The following MOGAT3 variants were observed in gnomAD, a reference collection of about 807,000 sequenced individuals.
MOGAT3 encodes monoacylglycerol O-acyltransferase 3.
MOGAT3 carries 39 observed loss-of-function variants against 34.4 expected under a neutral mutation model. That is an observed-to-expected ratio of 1.13 (90% CI 0.88 to 1.48). The LOEUF is 1.48. Among genes scored for constraint, MOGAT3 ranks in the 40% most tolerant of loss-of-function variants. The probability of loss-of-function intolerance (pLI) is 0.00; values close to 1 mark genes in which losing one functional copy is unlikely to be tolerated. For missense variants in MOGAT3, 439 were observed against 438.9 expected, an observed-to-expected ratio of 1.00 and a Z score of 0.00; for synonymous variants, 209 against 179.2, an observed-to-expected ratio of 1.17 and a Z score of -1.33.
At chr7:101,197,076 G>A (rs1337065049) in intron 5 of MOGAT3, among the ~76,000 whole-genome samples, 1 of 151,610 alleles carries the variant, frequency 6.6e-6, no homozygotes, top group Non-Finnish European at 1.5e-5. Context: ...AACTCGGGAG[G>A]TGGAGGTTGC....
intron 3 of MOGAT3, among the ~76,000 whole-genome samples, chr7:101,199,962 G>A (rs915744368): frequency 6.6e-6 from 1 of 151,880 alleles, no homozygotes; most frequent in Non-Finnish European, 1.5e-5. Context: ...GCATGGTGGC[G>A]GGCACCTATA....
At chr7:101,194,692 G>A (rs373917458), downstream of MOGAT3, among the ~76,000 whole-genome samples, 10 of 150,152 alleles carry the variant, frequency 6.7e-5, no homozygotes, top group African/African-American at 9.9e-5. Context: ...TAGTAGAGAC[G>A]GGGTTTCACC....
chr7:101,199,181 T>A (rs1208589597), intron 3 of MOGAT3, among the ~76,000 whole-genome samples: 1 of 151,876 alleles, frequency 6.6e-6, no homozygotes, highest in Non-Finnish European at 1.5e-5. Flanking sequence ...CTAATTTTTG[T>A]ATTTTTAGTA....
intron 5 of MOGAT3, among the ~76,000 whole-genome samples, chr7:101,196,960 C>G (rs569730932): frequency 6.6e-6 from 1 of 151,780 alleles, no homozygotes; most frequent in African/African-American, 2.4e-5. Context: ...GTCAGGAGTT[C>G]GAGACCACCC....
At chr7:101,193,985 C>A (rs1377675312), downstream of MOGAT3, among the ~76,000 whole-genome samples, 1 of 149,944 alleles carries the variant, frequency 6.7e-6, no homozygotes, top group African/African-American at 2.5e-5. Context: ...GCTGTGACCA[C>A]CCCAGGGCTC....
rs749717392 is a variant in MOGAT3, at chr7:101,200,780, G to A, written c.75C>T (p.Gly25=). The change falls in exon 1 of 7, where the codon GGC becomes GGT. Residue 25 remains glycine (G), a synonymous_variant. Transcript: ENST00000223114. ...TLQKQHLEAV[G]AYQYVLTFLF... ...GGAAAGTGAGCACATATTGGTAGGC[G>A]CCCACTGCTTCTAGATGCTGCTTCT... The A allele has an allele frequency of 1.4e-5, 22 of 1,613,994 alleles. No individual in the cohort carries two copies. Among genetic ancestry groups the A allele is most frequent in the African/African-American group, 5.3e-5 (4 of 74,918 alleles).
chr7:101,196,940 A>G (rs905025135), intron 5 of MOGAT3, among the ~76,000 whole-genome samples: 13 of 152,158 alleles, frequency 8.5e-5, no homozygotes, highest in African/African-American at 3.1e-4. Context: ...AGGTGGGTGG[A>G]TCACCTGAGG....
intron 1 of MOGAT3, 114 bp from the exon 2 acceptor site, chr7:101,200,629 C>T: frequency 1.6e-6 from 2 of 1,269,258 alleles, no homozygotes; most frequent in Non-Finnish European, 2.2e-6. Flanking sequence ...CTGGCCCTCT[C>T]CCAGACCAGT....
At chr7:101,197,830 T>C (rs1489301293) in intron 5 of MOGAT3, among the ~76,000 whole-genome samples, 1 of 152,098 alleles carries the variant, frequency 6.6e-6, no homozygotes. Context: ...ACCACGCCTT[T>C]GCACTCCAGC....
chr7:101,200,310 G>A lies in MOGAT3; in HGVS notation c.218-6C>T. On this transcript the variant is annotated splice_polypyrimidine_tract_variant and splice_region_variant and intron_variant, in intron 2 of 6. Transcript: ENST00000223114. ...CCACTCCGAACGCCTTCCACCTGCG[G>A]ACAATGAGATACTGGTGGACGAACC... 1 of 1,613,866 alleles carries A rather than the reference G, an allele frequency of 6.2e-7. No homozygotes were observed.
downstream of MOGAT3, among the ~76,000 whole-genome samples, chr7:101,194,556 G>T (rs1292907784): frequency 7.2e-6 from 1 of 139,572 alleles, no homozygotes; most frequent in African/African-American, 2.7e-5. Context: ...ATGTTGGAGT[G>T]CAGTGGCACA....
At chr7:101,196,412 AG>A (rs749119371) in intron 5 of MOGAT3, 23 bp from the exon 6 acceptor site, 3 of 1,575,844 alleles carry the variant, frequency 1.9e-6, no homozygotes, top group Non-Finnish European at 2.6e-6. Context: ...AAGAGAGAAG[AG>A]GGGGCTCAGG....
chr7:101,198,224 C>CGCTTCTG lies in MOGAT3; in HGVS notation c.628_634dup (p.Arg212ProfsTer27). 6.2e-7 allele frequency: 1 copy of CGCTTCTG among 1,613,272 alleles called. No individual in the cohort carries two copies. Among genetic ancestry groups the CGCTTCTG allele is most frequent in the South Asian group, 1.1e-5 (1 of 91,036 alleles). On this transcript the variant is annotated frameshift_variant, in exon 5 of 7. Coordinates refer to ENST00000223114, the MANE Select transcript of MOGAT3 (RefSeq NM_178176.4). LOFTEE classifies it high-confidence loss of function. ...CAGCGCCAGGCGCACGAAGCCTTTG[C>CGCTTCTG]GCTTCTGGAGCGTAAGGCAGTGCTC...
chr7:101,198,573 G>T, intron 4 of MOGAT3, 53 bp downstream of exon 4: 2 of 1,557,098 alleles, frequency 1.3e-6, no homozygotes, highest in Non-Finnish European at 1.8e-6. Context: ...AGAGGGGCTG[G>T]GGAACATCTG....
At chr7:101,197,930 G>A (rs928245580) in intron 5 of MOGAT3, among the ~76,000 whole-genome samples, 2 of 152,234 alleles carry the variant, frequency 1.3e-5, no homozygotes, top group African/African-American at 4.8e-5. Flanking sequence ...GTCAGAGAGG[G>A]AAGCCAGGGC....
chr7:101,196,300 T>G lies in MOGAT3; in HGVS notation c.758A>C (p.Gln253Pro), dbSNP rs564005600. 4 of 1,613,900 alleles carry G rather than the reference T, an allele frequency of 2.5e-6. No individual in the cohort carries two copies. Among genetic ancestry groups the G allele is most frequent in the Non-Finnish European group, 3.4e-6 (4 of 1,179,920 alleles). Reference protein sequence around the residue: ...FATGSWQHWCQLTFKKLMGFS... With the variant: ...FATGSWQHWCPLTFKKLMGFS... ...GCCCATGAGCTTCTTGAAGGTGAGC[T>G]GGCACCAATGCTGCCAGGAGCCTGT... The change falls in exon 6 of 7, where the codon CAG becomes CCG. Residue 253 changes from glutamine (Q) to proline (P), a missense_variant. By Grantham distance (76) the Gln-to-Pro change is moderately conservative (BLOSUM62 -1). Transcript: ENST00000223114.
rs759934838 is a variant in MOGAT3, at chr7:101,198,726, GCT to G, written c.391_392del (p.Ser131GlnfsTer105). ...CCGGGAAGAGCTGGGAGAAGCCATT[GCT>G]CTCGGTGGAGAAATTACAGAGGAAG... Reference protein sequence around the residue: ...TGFLCNFSTESNGFSQLFPGL... With the variant: ...TGFLCNFSTEXNGFSQLFPGL... On this transcript the variant is annotated frameshift_variant, in exon 4 of 7. Coordinates refer to ENST00000223114, the MANE Select transcript of MOGAT3 (RefSeq NM_178176.4). LOFTEE classifies it high-confidence loss of function. 1 of 1,613,882 alleles carries G rather than the reference GCT, an allele frequency of 6.2e-7. No individual in the cohort carries two copies. Among genetic ancestry groups the G allele is most frequent in the East Asian group, 2.2e-5 (1 of 44,870 alleles).
At chr7:101,197,296 C>T (rs1400548174) in intron 5 of MOGAT3, among the ~76,000 whole-genome samples, 2 of 152,214 alleles carry the variant, frequency 1.3e-5, no homozygotes, top group Admixed American at 6.5e-5. Flanking sequence ...CATCCTCCCA[C>T]CTCAGCCTCC....
chr7:101,200,523 A>C lies in MOGAT3; in HGVS notation c.110-8T>G, dbSNP rs1458405173. On this transcript the variant is annotated splice_polypyrimidine_tract_variant and splice_region_variant and intron_variant, in intron 1 of 6. Coordinates refer to ENST00000223114, the MANE Select transcript of MOGAT3 (RefSeq NM_178176.4). ...GAAGGGAGAAGAAAGGGCCTGGGGG[A>C]AGGGAGAGAAAGAAAAGAGTTCACT... The C allele has an allele frequency of 6.4e-7, 1 of 1,562,928 alleles. No homozygotes were observed. The highest frequency in any genetic ancestry group is 1.9e-5 in the Admixed American group (1 of 52,916).
Sources: allele counts gnomAD v4.1 joint callset (sites outside exome capture counted in the v4.1 genomes callset), GRCh38; gene constraint gnomAD v4.1.1; transcripts MANE v1.5; gene names NCBI Gene and HGNC (gene_info 2026-07-23, HGNC 2026-07-21).